Variants in MED13 observed in about 807,000 individuals in gnomAD.
MED13 encodes the protein mediator of RNA polymerase II transcription subunit 13.
In MED13, 23 loss-of-function variants were observed where a neutral mutation model predicts 225.2. The ratio of observed to expected loss-of-function variants is 0.10; its 90% confidence interval spans 0.07 to 0.14. The LOEUF (loss-of-function observed/expected upper bound fraction) is 0.14, where lower values mean the gene tolerates loss of function less well. MED13 is among the 10% of genes least tolerant of loss of function. MED13 has a pLI of 1.00. For missense variants in MED13, 2,197 were observed against 2,594.5 expected, an observed-to-expected ratio of 0.85 and a Z score of 3.33; for synonymous variants, 942 against 889.2, an observed-to-expected ratio of 1.06 and a Z score of -1.06.
At chr17:62,016,293 C>T (rs556246730) in intron 8 of MED13, among the ~76,000 whole-genome samples, 2 of 152,086 alleles carry the variant, frequency 1.3e-5, no homozygotes, top group Admixed American at 1.3e-4. Flanking sequence ...TCACTACAGC[C>T]TCCCAGGTAG....
intron 8 of MED13, 53 bp downstream of exon 8, chr17:62,029,488 G>C: frequency 7.4e-7 from 1 of 1,344,190 alleles, no homozygotes; most frequent in Non-Finnish European, 1.1e-6. Flanking sequence ...TAAGCATTCA[G>C]TGGCGTAACA....
chr17:61,995,499 G>GGATTGT, intron 9 of MED13, 134 bp from the exon 10 acceptor site: 1 of 597,522 alleles, frequency 1.7e-6, no homozygotes, highest in Non-Finnish European at 2.7e-6. Flanking sequence ...CAGAAATGAG[G>GGATTGT]AGGCATGAAA....
At chr17:62,021,757 G>C (rs1567984102) in intron 8 of MED13, among the ~76,000 whole-genome samples, 1 of 152,184 alleles carries the variant, frequency 6.6e-6, no homozygotes, top group Non-Finnish European at 1.5e-5. Flanking sequence ...AAAATCGGTA[G>C]AACCTTTTTT....
At chr17:61,954,280 ATCT>A (rs1436728680) in intron 26 of MED13, among the ~76,000 whole-genome samples, 3 of 152,222 alleles carry the variant, frequency 2.0e-5, no homozygotes, top group African/African-American at 7.2e-5. Context: ...TAACAATAAA[ATCT>A]TCTTTATTTT....
chr17:62,031,239 G>A, intron 6 of MED13: 2 of 455,814 alleles, frequency 4.4e-6, no homozygotes, highest in South Asian at 7.1e-5. Context: ...TTCAGAAAAA[G>A]ACCAATGATA....
intron 9 of MED13, among the ~76,000 whole-genome samples, chr17:61,998,425 T>C (rs2080363998): frequency 6.6e-6 from 1 of 152,202 alleles, no homozygotes; most frequent in African/African-American, 2.4e-5. Context: ...AATGTACTCA[T>C]ATAGAATTTA....
intron 3 of MED13, among the ~76,000 whole-genome samples, chr17:62,040,473 C>T (rs535897656): frequency 9.5e-4 from 144 of 152,250 alleles, no homozygotes; most frequent in African/African-American, 3.1e-3. Context: ...AAAATGAAGA[C>T]GTGCTTATAG....
chr17:61,963,048 T>TCC (rs2080017260), intron 20 of MED13, 77 bp from the exon 21 acceptor site: 1 of 1,122,246 alleles, frequency 8.9e-7, no homozygotes, highest in Non-Finnish European at 1.3e-6. Context: ...GTTCTTAATA[T>TCC]CCCCCTCCTC....
In MED13 at chr17:61,979,906, G is replaced by A. The variant is rs139484034; in HGVS notation, c.3805+2292C>T. Among the ~76,000 whole-genome samples, 456 of 152,002 alleles carry A rather than the reference G, an allele frequency of 3.0e-3. 2 individuals carry two copies. Among genetic ancestry groups the A allele is most frequent in the African/African-American group, 0.01 (434 of 41,490 alleles). ...TGATCACTCTCTTCTAAATATTCCC[G>A]GGCCAGGCACGGTGGCTCACACCTG... On this transcript the variant is annotated intron_variant, in intron 16 of 29. Coordinates refer to ENST00000397786, the MANE Select transcript of MED13 (RefSeq NM_005121.3).
intron 23 of MED13, among the ~76,000 whole-genome samples, chr17:61,957,145 C>T: frequency 6.6e-6 from 1 of 151,422 alleles, no homozygotes; most frequent in Non-Finnish European, 1.5e-5. Context: ...CTCCCGGGCT[C>T]AAGTGATTCT....
chr17:62,032,956 C>A (rs983515858), intron 5 of MED13, among the ~76,000 whole-genome samples: 1 of 152,098 alleles, frequency 6.6e-6, no homozygotes, highest in Admixed American at 6.5e-5. Flanking sequence ...TTGAGACCAG[C>A]CTGGCCAACA....
chr17:61,970,776 G>GCC (rs2143399833), intron 17 of MED13, among the ~76,000 whole-genome samples: 1 of 131,802 alleles, frequency 7.6e-6, no homozygotes, highest in Non-Finnish European at 1.5e-5. Context: ...TATAATCCTA[G>GCC]CCCTTTGGGA....
In MED13 at chr17:61,986,252, T is replaced by TAC. The variant is rs1328675924; in HGVS notation, c.2385+753_2385+754dup. Among the ~76,000 whole-genome samples the TAC allele has an allele frequency of 2.6e-5, 4 of 152,218 alleles. No homozygotes were observed. The East Asian group carries it at 5.8e-4, about 22-fold the overall frequency. On this transcript the variant is annotated intron_variant, in intron 12 of 29. Transcript: ENST00000397786. ...TCTGCAATATATATATATGTATATG[T>TAC]ACACACACACATATACACACATATA... is the stretch of plus-strand genomic sequence containing the variant.
chr17:61,978,143 A>G (rs2080172302), intron 16 of MED13, among the ~76,000 whole-genome samples: 1 of 151,174 alleles, frequency 6.6e-6, no homozygotes, highest in Non-Finnish European at 1.5e-5. Flanking sequence ...CTATGTGCCA[A>G]AAACTGCCTT....
chr17:62,014,726 T>C (rs1006463688), intron 8 of MED13, among the ~76,000 whole-genome samples: 5 of 152,142 alleles, frequency 3.3e-5, no homozygotes, highest in African/African-American at 9.7e-5. Context: ...AGTACAATCA[T>C]AGCACACTGT....
intron 11 of MED13, among the ~76,000 whole-genome samples, chr17:61,987,522 CA>C (rs2080258564): frequency 6.6e-6 from 1 of 151,852 alleles, no homozygotes; most frequent in South Asian, 2.1e-4. Context: ...ACTTTAAGGT[CA>C]TAAGGGGATT....
At chr17:62,049,943 A>AAAAAAAAAAAAG (rs1199177721) in intron 3 of MED13, among the ~76,000 whole-genome samples, 1 of 151,566 alleles carries the variant, frequency 6.6e-6, no homozygotes, top group African/African-American at 2.4e-5. Flanking sequence ...AAAAAAAAAA[A>AAAAAAAAAAAAG]GAATGAAATG....
chr17:61,998,690 C>T (rs1212172771), intron 9 of MED13, among the ~76,000 whole-genome samples: 1 of 150,858 alleles, frequency 6.6e-6, no homozygotes, highest in African/African-American at 2.4e-5. Flanking sequence ...ACCTCCACCT[C>T]CAGAGTTCAA....
intron 9 of MED13, chr17:62,003,623 C>CAAAAAAAAAAAAAAAAAAAAA (rs1335956503): frequency 2.3e-5 from 2 of 86,074 alleles, no homozygotes; most frequent in Admixed American, 1.1e-4. Flanking sequence ...AAAAAAAAAG[C>CAAAAAAAAAAAAAAAAAAAAA]AAAAAGTGAA....
Sources: allele counts gnomAD v4.1 joint callset (sites outside exome capture counted in the v4.1 genomes callset), GRCh38; gene constraint gnomAD v4.1.1; transcripts MANE v1.5; gene names NCBI Gene and HGNC (gene_info 2026-07-23, HGNC 2026-07-21).